PABIR2: variants seen among roughly 807,000 people sequenced by gnomAD.
PABIR2 encodes the protein family with sequence similarity 122B.
Under a neutral mutation model 22.8 loss-of-function variants are expected in PABIR2, and 7 were observed. That is an observed-to-expected ratio of 0.31 (90% CI 0.17 to 0.58). PABIR2 has a LOEUF of 0.58. Ranked by LOEUF, PABIR2 falls within the 20% of genes least tolerant of loss-of-function variation. PABIR2 has a pLI of 0.89. For missense variants in PABIR2, 155 were observed against 205.1 expected, an observed-to-expected ratio of 0.76 and a Z score of 1.49; for synonymous variants, 67 against 73.8, an observed-to-expected ratio of 0.91 and a Z score of 0.47.
intron 9 of PABIR2, among the ~76,000 whole-genome samples, chrX:134,775,497 T>C (rs1459822615): frequency 2.5e-4 from 21 of 82,782 alleles, no homozygotes; most frequent in South Asian, 6.0e-4. Flanking sequence ...CCAGCCTGGG[T>C]GACAGAGCAA....
Position 134,796,428 on chromosome X carries a change from C to A in PABIR2, c.-223G>T, listed in dbSNP as rs1453399895. The A allele has an allele frequency of 4.4e-5, 16 of 363,039 alleles. No individual in the cohort carries two copies. The highest frequency in any genetic ancestry group is 6.6e-5 in the Non-Finnish European group (14 of 210,675). 29.9% of individuals were successfully genotyped at this position (363,039 alleles called of 1,213,427 possible). A position where few individuals can be genotyped will look rare whatever the true frequency, so the allele number is the denominator to read the frequency against. On this transcript the variant is annotated 5_prime_UTR_variant, in exon 1 of 10. Coordinates refer to ENST00000343004, the MANE Select transcript of PABIR2 (RefSeq NM_001387468.1). ...TGAGGAAGGGAGGATGATGGTGAGGCAGGAGAGGAGGACGAAGAGGTAGTG... is the reference window on the plus strand; with the variant it reads ...TGAGGAAGGGAGGATGATGGTGAGGAAGGAGAGGAGGACGAAGAGGTAGTG...
chrX:134,787,440 T>G, intron 7 of PABIR2, 32 bp downstream of exon 7: 1 of 1,191,271 alleles, frequency 8.4e-7, no homozygotes, highest in Non-Finnish European at 1.1e-6. Context: ...TGAATGGTAC[T>G]TCAACCACAT....
Position 134,771,162 on chromosome X carries a change from C to A in PABIR2, c.*977G>T. ...ACATAAGGCCCCTCTTCCACCATAC[C>A]TTATGATATACATCCCTTATAGCAT... On this transcript the variant is annotated 3_prime_UTR_variant, in exon 10 of 10. Coordinates refer to ENST00000343004, the MANE Select transcript of PABIR2 (RefSeq NM_001387468.1). 1.9e-6 allele frequency: 1 copy of A among 523,670 alleles called. No homozygotes were observed. 43.2% of individuals were successfully genotyped at this position (523,670 alleles called of 1,213,427 possible). A position where few individuals can be genotyped will look rare whatever the true frequency, so the allele number is the denominator to read the frequency against.
At chrX:134,783,899 C>G (rs745572652) in intron 8 of PABIR2, among the ~76,000 whole-genome samples, 6 of 107,821 alleles carry the variant, frequency 5.6e-5, no homozygotes, top group Non-Finnish European at 1.1e-4. Flanking sequence ...ATGGCGAAAC[C>G]CTGTCTCTAC....
chrX:134,772,343 C>A (rs1602970603), intron 9 of PABIR2, 60 bp from the exon 10 acceptor site: 3 of 1,054,289 alleles, frequency 2.8e-6, no homozygotes, highest in Non-Finnish European at 2.5e-6. Flanking sequence ...ACATAACATG[C>A]AATGACACAG....
chrX:134,777,524 CAAAAAA>C (rs1177263144), intron 9 of PABIR2, among the ~76,000 whole-genome samples: 5 of 29,577 alleles, frequency 1.7e-4, no homozygotes, highest in Non-Finnish European at 2.1e-4. Context: ...GATCTTGTAT[CAAAAAA>C]AAAAAAAAAA....
At chrX:134,780,122 G>A (rs766100115) in intron 9 of PABIR2, among the ~76,000 whole-genome samples, 18 of 112,836 alleles carry the variant, frequency 1.6e-4, no homozygotes, top group Non-Finnish European at 3.0e-4. Context: ...TGACTTCTTG[G>A]TCAACTAGAA....
At chrX:134,789,015 T>C in intron 5 of PABIR2, 70 bp downstream of exon 5, 1 of 1,168,911 alleles carries the variant, frequency 8.6e-7, no homozygotes, top group South Asian at 1.8e-5. Context: ...TGCGAAAAAA[T>C]TAATGAACCT....
chrX:134,788,470 TATATATACGTTATATATGTA>T (rs1396458226), intron 6 of PABIR2, among the ~76,000 whole-genome samples: 4 of 99,609 alleles, frequency 4.0e-5, no homozygotes, highest in Non-Finnish European at 7.7e-5. Context: ...ATATATGTGT[TATATATACGTTATATATGTA>T]ATATATACGT....
chrX:134,789,554 A>G, intron 3 of PABIR2, 26 bp downstream of exon 3: 1 of 1,139,627 alleles, frequency 8.8e-7, no homozygotes, highest in Non-Finnish European at 1.2e-6. Context: ...AAAAATTTCC[A>G]ATCTGAGCTA....
chrX:134,786,401 C>A (rs1938107149), intron 7 of PABIR2, among the ~76,000 whole-genome samples: 1 of 110,201 alleles, frequency 9.1e-6, no homozygotes, highest in African/African-American at 3.3e-5. Context: ...GCCTGTAATC[C>A]CAGCTACCCA....
chrX:134,797,150 GA>G lies in PABIR2; in HGVS notation c.-946del, dbSNP rs1320786820. On this transcript the variant is annotated 5_prime_UTR_variant, in exon 1 of 10. An upstream open reading frame in the 5' UTR loses its in-frame stop. Transcript: ENST00000343004. ...AGTCTCTTCCGCCTCCCACGCTTCA[GA>G]AGCGGGAACCTCCGCTGGGCCAGTT... 8.8e-6 allele frequency: 1 copy of G among 114,033 alleles called. No homozygotes were observed. Among genetic ancestry groups the G allele is most frequent in the Non-Finnish European group, 1.9e-5 (1 of 53,474 alleles). The allele number at this position is 114,033 out of a possible 1,213,427, so 9.4% of individuals were successfully genotyped here.
chrX:134,772,233 G>A lies in PABIR2; in HGVS notation c.710C>T (p.Pro237Leu), dbSNP rs370204707. 10 of 1,201,932 alleles carry A rather than the reference G, an allele frequency of 8.3e-6. No individual in the cohort carries two copies. The highest frequency in any genetic ancestry group is 5.4e-5 in the South Asian group (3 of 55,659). ...SSSSSGLSSDPLAKGSATAES... is the reference protein window; with the variant it reads ...SSSSSGLSSDLLAKGSATAES... ...TGCGGTAGCGCTGCCTTTAGCCAGC[G>A]GGTCTGAGGATAAGCCACTGCTGCT... Residue 237 changes from proline (P) to leucine (L), a missense_variant, in exon 10 of 10, where the codon CCG becomes CTG. By Grantham distance (98) the Pro-to-Leu change is moderately conservative (BLOSUM62 -3). Coordinates refer to ENST00000343004, the MANE Select transcript of PABIR2 (RefSeq NM_001387468.1).
At chrX:134,788,890 A>G in intron 5 of PABIR2, 59 bp from the exon 6 acceptor site, 1 of 1,051,860 alleles carries the variant, frequency 9.5e-7, no homozygotes, top group Non-Finnish European at 1.3e-6. Flanking sequence ...GCTCTTACTT[A>G]CTACTATAAC....
In PABIR2 at chrX:134,770,658, T is replaced by C. The variant is rs766495992; in HGVS notation, c.*1481A>G. ...AGCAGGCAAATCTGCATATTAAATA[T>C]AGACAACCCAACCACAGTATCTGAA... On this transcript the variant is annotated 3_prime_UTR_variant, in exon 10 of 10. Coordinates refer to ENST00000343004, the MANE Select transcript of PABIR2 (RefSeq NM_001387468.1). The C allele has an allele frequency of 1.8e-5, 2 of 112,861 alleles. No homozygotes were observed. Among genetic ancestry groups the C allele is most frequent in the Non-Finnish European group, 3.8e-5 (2 of 53,293 alleles). 9.3% of individuals were successfully genotyped at this position (112,861 alleles called of 1,213,427 possible).
chrX:134,782,549 G>A (rs370054427), intron 8 of PABIR2, among the ~76,000 whole-genome samples: 44 of 111,967 alleles, frequency 3.9e-4, no homozygotes, highest in African/African-American at 1.4e-3. Context: ...CACCAACAGG[G>A]ATAATGCTTA....
At chrX:134,792,781 T>A (rs942872869) in intron 2 of PABIR2, among the ~76,000 whole-genome samples, 1 of 112,017 alleles carries the variant, frequency 8.9e-6, no homozygotes, top group African/African-American at 3.2e-5. Context: ...TTATGACAAT[T>A]AAATGTGTGA....
At chrX:134,793,759 AT>A (rs1199691647) in intron 2 of PABIR2, 55 bp downstream of exon 2, 8 of 1,101,510 alleles carry the variant, frequency 7.3e-6, no homozygotes, top group Non-Finnish European at 1.0e-5. Flanking sequence ...AAAGAACTCC[AT>A]TTCAAAGTAT....
In PABIR2 at chrX:134,787,441, T is replaced by A. The variant is rs73568744; in HGVS notation, c.497+31A>T. 2,946 of 1,192,270 alleles carry A rather than the reference T, an allele frequency of 2.5e-3. 54 individuals carry two copies. The African/African-American group carries it at 0.048, about 19-fold the overall frequency. The stretch of plus-strand genomic sequence containing the variant: ...AGAGATAAATGTAATGAATGGTACT[T>A]CAACCACATTTAAAATTCAAGTTTG... On this transcript the variant is annotated intron_variant, in intron 7 of 9. Coordinates refer to ENST00000343004, the MANE Select transcript of PABIR2 (RefSeq NM_001387468.1).
Sources: gnomAD v4.1 joint callset for allele counts (sites outside exome capture counted in the v4.1 genomes callset) on GRCh38, gnomAD v4.1.1 for gene constraint, MANE v1.5 for transcripts, NCBI Gene and HGNC (gene_info 2026-07-23, HGNC 2026-07-21) for gene names.